The following SH3KBP1 variants were observed in gnomAD, a reference collection of about 807,000 sequenced individuals.
SH3KBP1 encodes SH3 domain containing kinase binding protein 1, also known as SH3 domain-containing kinase-binding protein 1.
Under a neutral mutation model 50.1 loss-of-function variants are expected in SH3KBP1, and 8 were observed. That is an observed-to-expected ratio of 0.16 (90% confidence interval 0.09 to 0.29). The LOEUF (loss-of-function observed/expected upper bound fraction) is 0.29, where lower values mean the gene tolerates loss of function less well. Ranked by LOEUF, SH3KBP1 falls within the 10% of genes least tolerant of loss-of-function variation. The pLI is 1.00. For missense variants in SH3KBP1, 377 were observed against 535.2 expected, an observed-to-expected ratio of 0.70 and a Z score of 2.92; for synonymous variants, 227 against 218.6, an observed-to-expected ratio of 1.04 and a Z score of -0.34.
chrX:19,766,541 G>A (rs749268198), intron 2 of SH3KBP1, among the ~76,000 whole-genome samples: 81 of 70,547 alleles, frequency 1.1e-3, no homozygotes, highest in African/African-American at 4.5e-3. Flanking sequence ...GTCTTGCTCC[G>A]TCGCCCAGGC....
At chrX:19,591,971 G>A (rs2066761270) in intron 11 of SH3KBP1, 96 bp downstream of exon 11, 1 of 728,391 alleles carries the variant, frequency 1.4e-6, no homozygotes, top group Non-Finnish European at 2.2e-6. Flanking sequence ...TATTCCAAAG[G>A]AAAAGCAAAT....
intron 8 of SH3KBP1, among the ~76,000 whole-genome samples, chrX:19,618,004 G>A (rs1040887667): frequency 8.9e-6 from 1 of 112,000 alleles, no homozygotes; most frequent in Admixed American, 9.5e-5. Flanking sequence ...CAGGAATCAG[G>A]AAGGCCCATG....
intron 2 of SH3KBP1, among the ~76,000 whole-genome samples, chrX:19,809,797 C>T (rs2067156574): frequency 8.9e-6 from 1 of 111,837 alleles, no homozygotes; most frequent in Non-Finnish European, 1.9e-5. Flanking sequence ...CATTATGCAA[C>T]ACCTAGTAAC....
chrX:19,621,064 C>CTTTTTTT (rs2067805739), intron 8 of SH3KBP1, among the ~76,000 whole-genome samples: 1 of 47,425 alleles, frequency 2.1e-5, no homozygotes. Flanking sequence ...AATACCATTT[C>CTTTTTTT]TTTTCTTTCT....
intron 3 of SH3KBP1, among the ~76,000 whole-genome samples, chrX:19,725,254 C>T (rs1694539477): frequency 2.0e-5 from 2 of 102,368 alleles, no homozygotes; most frequent in African/African-American, 7.3e-5. Context: ...GGAGTTTGAA[C>T]CCAGCCTGGG....
chrX:19,601,299 C>T (rs1348535650), intron 9 of SH3KBP1, among the ~76,000 whole-genome samples: 1 of 111,626 alleles, frequency 9.0e-6, no homozygotes, highest in Non-Finnish European at 1.9e-5. Flanking sequence ...AGCTTTGTTT[C>T]CTGTGAAGGA....
intron 1 of SH3KBP1, among the ~76,000 whole-genome samples, chrX:19,844,317 C>T (rs2068304938): frequency 8.9e-6 from 1 of 111,736 alleles, no homozygotes; most frequent in South Asian, 3.7e-4. Context: ...ATGTTGGTGA[C>T]TGAGTGCACC....
At chrX:19,567,345 C>T (rs113819993) in intron 13 of SH3KBP1, among the ~76,000 whole-genome samples, 1,845 of 102,728 alleles carry the variant, frequency 0.018, 50 homozygotes, top group African/African-American at 0.063. Context: ...ATAGTGCAAC[C>T]CCACCTTTAC....
At chrX:19,630,998 C>T (rs1231305760) in intron 8 of SH3KBP1, among the ~76,000 whole-genome samples, 2 of 111,663 alleles carry the variant, frequency 1.8e-5, no homozygotes, top group East Asian at 5.6e-4. Flanking sequence ...TCCCTGCATC[C>T]TCCACCCTGC....
chrX:19,619,134 G>A (rs2067722202), intron 8 of SH3KBP1, among the ~76,000 whole-genome samples: 1 of 111,211 alleles, frequency 9.0e-6, no homozygotes, highest in African/African-American at 3.3e-5. Context: ...AAATTATCTG[G>A]ATGTGGTAGC....
chrX:19,823,170 A>G (rs1357337133), intron 2 of SH3KBP1, among the ~76,000 whole-genome samples: 1 of 111,481 alleles, frequency 9.0e-6, no homozygotes, highest in Non-Finnish European at 1.9e-5. Flanking sequence ...CAGAATCCCC[A>G]GTCAGTCTCC....
chrX:19,619,736 G>A (rs1569348054), intron 8 of SH3KBP1, among the ~76,000 whole-genome samples: 1 of 111,087 alleles, frequency 9.0e-6, no homozygotes, highest in Non-Finnish European at 1.9e-5. Flanking sequence ...GAGCCGAGAT[G>A]GTGCCACTGT....
chrX:19,810,316 T>C (rs1247544464), intron 2 of SH3KBP1, among the ~76,000 whole-genome samples: 3 of 112,753 alleles, frequency 2.7e-5, no homozygotes, highest in African/African-American at 9.7e-5. Flanking sequence ...GGAAAAAGAA[T>C]ATAGTTTATA....
At chrX:19,670,410 T>C (rs970942490) in intron 6 of SH3KBP1, 3 of 739,897 alleles carry the variant, frequency 4.1e-6, no homozygotes, top group Admixed American at 1.8e-4. Context: ...CCCTTCTCTC[T>C]AAGCTAACCT....
chrX:19,621,073 C>CTTTTTTTTTTTTT (rs1186690221), intron 8 of SH3KBP1, among the ~76,000 whole-genome samples: 1 of 32,672 alleles, frequency 3.1e-5, no homozygotes, highest in East Asian at 9.4e-4. Context: ...TCTTTTCTTT[C>CTTTTTTTTTTTTT]TTTTTTTTTT....
chrX:19,741,298 C>T (rs777834238), intron 3 of SH3KBP1, among the ~76,000 whole-genome samples: 57 of 112,030 alleles, frequency 5.1e-4, no homozygotes, highest in African/African-American at 1.8e-3. Context: ...GATCTCACCT[C>T]GTAGCATCAG....
In SH3KBP1 at chrX:19,567,549, A is replaced by T. The variant is rs867824570; in HGVS notation, c.1384+1554T>A. Among the ~76,000 whole-genome samples the T allele has an allele frequency of 2.7e-3, 198 of 73,333 alleles. 5 individuals carry two copies. The highest frequency in any genetic ancestry group is 0.014 in the African/African-American group (185 of 13,645). 63.7% of individuals were successfully genotyped at this position (73,333 alleles called of 115,157 possible). A position where few individuals can be genotyped will look rare whatever the true frequency, so the allele number is the denominator to read the frequency against. On this transcript the variant is annotated intron_variant, in intron 13 of 17. Coordinates refer to ENST00000397821, the MANE Select transcript of SH3KBP1 (RefSeq NM_031892.3). ...AAAAAAAAAAAAAAAAAAAAAAAAA[A>T]AAAAAAAAATATATATATATATATT...
chrX:19,755,203 A>G (rs1157775070), intron 2 of SH3KBP1, among the ~76,000 whole-genome samples: 1 of 110,816 alleles, frequency 9.0e-6, no homozygotes, highest in Non-Finnish European at 1.9e-5. Context: ...CCCTGCCTCT[A>G]CTAAAGATAC....
rs190049660 is a variant in SH3KBP1 at position 19,776,693 on chromosome X, G to A, written c.163-30252C>T. 4.6e-5 allele frequency among the ~76,000 whole-genome samples: 5 copies of A among 107,595 alleles called. No individual in the cohort carries two copies. In the East Asian group the frequency reaches 1.5e-3, roughly 31 times the overall value. 93.4% of individuals were successfully genotyped at this position (107,595 alleles called of 115,157 possible). ...CTACTGAGTAACTGGGACCACAAGCGCACACCACCATGTCCAGCTAATTTT... is the reference window on the plus strand; with the variant it reads ...CTACTGAGTAACTGGGACCACAAGCACACACCACCATGTCCAGCTAATTTT... On this transcript the variant is annotated intron_variant, in intron 2 of 17. Transcript: ENST00000397821.
Sources: allele counts gnomAD v4.1 joint callset (sites outside exome capture counted in the v4.1 genomes callset), GRCh38; gene constraint gnomAD v4.1.1; transcripts MANE v1.5; gene names NCBI Gene and HGNC (gene_info 2026-07-23, HGNC 2026-07-21).